FGF1: variants seen among roughly 807,000 people sequenced by gnomAD.
FGF1 encodes beta-endothelial cell growth factor.
A neutral mutation model predicts 13.4 loss-of-function variants in FGF1; 9 were observed. The observed-to-expected ratio is 0.67, with a 90% confidence interval of 0.40 to 1.17. The LOEUF (loss-of-function observed/expected upper bound fraction) is 1.17, where lower values mean the gene tolerates loss of function less well. FGF1 is among the 50% of genes most tolerant of loss of function. The probability of loss-of-function intolerance (pLI) is 0.01; values close to 1 mark genes in which losing one functional copy is unlikely to be tolerated. For synonymous variants in FGF1, 93 were observed against 79.0 expected, an observed-to-expected ratio of 1.18 and a Z score of -0.94; for missense variants, 156 against 192.7, an observed-to-expected ratio of 0.81 and a Z score of 1.13.
chr5:142,641,673 T>C (rs1438931409), intron 1 of FGF1, among the ~76,000 whole-genome samples: 1 of 152,070 alleles, frequency 6.6e-6, no homozygotes, highest in Non-Finnish European at 1.5e-5. Context: ...TGATTTATTA[T>C]AGCAGCACCA....
At chr5:142,692,839 C>G (rs1364227550) in intron 2 of FGF1, among the ~76,000 whole-genome samples, 2 of 151,946 alleles carry the variant, frequency 1.3e-5, no homozygotes, top group African/African-American at 4.8e-5. Context: ...AACAAACAAA[C>G]AAACAAACAA....
chr5:142,605,396 C>T (rs564796720), intron 2 of FGF1, among the ~76,000 whole-genome samples: 2 of 151,748 alleles, frequency 1.3e-5, no homozygotes, highest in East Asian at 3.9e-4. Flanking sequence ...GCCGGGATTA[C>T]AGGCATGAGC....
At chr5:142,639,858 G>A (rs924804713) in intron 1 of FGF1, among the ~76,000 whole-genome samples, 1 of 151,898 alleles carries the variant, frequency 6.6e-6, no homozygotes, top group Non-Finnish European at 1.5e-5. Flanking sequence ...ACTTTTATTT[G>A]TCAATAATAC....
intron 1 of FGF1, among the ~76,000 whole-genome samples, chr5:142,632,361 G>C (rs1763510485): frequency 6.6e-6 from 1 of 152,164 alleles, no homozygotes; most frequent in African/African-American, 2.4e-5. Context: ...TCTCTCTGCA[G>C]TGTTGTTCAA....
chr5:142,668,819 G>A (rs1013670815), intron 1 of FGF1, among the ~76,000 whole-genome samples: 2 of 152,176 alleles, frequency 1.3e-5, no homozygotes, highest in Non-Finnish European at 2.9e-5. Context: ...CTTGAAAGAA[G>A]GTGAGAAGCT....
At chr5:142,639,127 T>TA (rs1368774433) in intron 1 of FGF1, among the ~76,000 whole-genome samples, 1 of 151,952 alleles carries the variant, frequency 6.6e-6, no homozygotes, top group Non-Finnish European at 1.5e-5. Flanking sequence ...CTCAAAAAAA[T>TA]AAAAATAGCA....
chr5:142,646,983 A>T (rs549859135), intron 1 of FGF1, among the ~76,000 whole-genome samples: 1 of 152,324 alleles, frequency 6.6e-6, no homozygotes, highest in South Asian at 2.1e-4. Flanking sequence ...TCATAAAACG[A>T]TCAGGGCTCA....
chr5:142,606,262 T>A lies in FGF1; in HGVS notation c.170-5457A>T, dbSNP rs186479275. Among the ~76,000 whole-genome samples, 147 of 147,700 alleles carry A rather than the reference T, an allele frequency of 1.0e-3. 1 individual carries two copies. Among genetic ancestry groups the A allele is most frequent in the African/African-American group, 2.5e-3 (101 of 39,782 alleles). On this transcript the variant is annotated intron_variant, in intron 2 of 3. Transcript: ENST00000337706. ...TGTGTGTGTATGTAGTTTTTTTTTT[T>A]AATCCCCTTTCAAAGAAAGGTAGAA...
intron 1 of FGF1, among the ~76,000 whole-genome samples, chr5:142,656,455 G>T (rs1768183418): frequency 6.6e-6 from 1 of 152,102 alleles, no homozygotes; most frequent in Non-Finnish European, 1.5e-5. Context: ...AGTCCATAAG[G>T]GAAGAGCAGA....
At chr5:142,595,884 G>T (rs1755147685) in intron 3 of FGF1, among the ~76,000 whole-genome samples, 1 of 152,132 alleles carries the variant, frequency 6.6e-6, no homozygotes, top group East Asian at 1.9e-4. Flanking sequence ...TGGCACACAG[G>T]CCTGACCATG....
intron 2 of FGF1, among the ~76,000 whole-genome samples, chr5:142,693,065 G>C (rs1752493280): frequency 6.6e-6 from 1 of 151,242 alleles, no homozygotes; most frequent in Non-Finnish European, 1.5e-5. Context: ...GTCCAGGAAA[G>C]AGGAAAAAAA....
At position 142,635,607 on chromosome 5, in the gene FGF1, G is replaced by T. The variant is rs17217044; in HGVS notation, c.-34-21446C>A. Among the ~76,000 whole-genome samples the T allele has an allele frequency of 1.5e-3, 232 of 152,322 alleles. 1 individual carries two copies. The highest frequency in any genetic ancestry group is 2.9e-3 in the Non-Finnish European group (194 of 68,042). ...CAGACCTGAGCTTCTTACCCAAGCT[G>T]CATCTTGTGTTACAAGGCACAGGAC... On this transcript the variant is annotated intron_variant, in intron 1 of 3. Transcript: ENST00000337706.
At chr5:142,663,145 T>G (rs1561700859) in intron 1 of FGF1, among the ~76,000 whole-genome samples, 2 of 151,708 alleles carry the variant, frequency 1.3e-5, no homozygotes, top group Non-Finnish European at 2.9e-5. Context: ...TTAAAGTTCT[T>G]CTCAGCAGGG....
intron 1 of FGF1, among the ~76,000 whole-genome samples, chr5:142,649,502 G>A (rs1000986479): frequency 6.6e-6 from 1 of 152,002 alleles, no homozygotes; most frequent in Non-Finnish European, 1.5e-5. Flanking sequence ...TGCCTCCCGG[G>A]TTCACGCCAT....
chr5:142,689,861 G>T (rs1751881898), upstream of FGF1, among the ~76,000 whole-genome samples: 1 of 150,520 alleles, frequency 6.6e-6, no homozygotes, highest in Non-Finnish European at 1.5e-5. Flanking sequence ...ACCACGCCTG[G>T]CCAGTTTTTT....
intron 1 of FGF1, among the ~76,000 whole-genome samples, chr5:142,626,491 T>G (rs79657861): frequency 0.018 from 2,803 of 152,302 alleles, 90 homozygotes; most frequent in African/African-American, 0.063. Flanking sequence ...CTATTTTCAT[T>G]GCTGAATAAA....
At chr5:142,597,318 G>A (rs1176727822) in intron 3 of FGF1, among the ~76,000 whole-genome samples, 1 of 152,174 alleles carries the variant, frequency 6.6e-6, no homozygotes, top group African/African-American at 2.4e-5. Context: ...TGAACCAATG[G>A]TTATAGGGGC....
chr5:142,649,052 C>T (rs1267334207), intron 1 of FGF1, among the ~76,000 whole-genome samples: 2 of 152,156 alleles, frequency 1.3e-5, no homozygotes, highest in Non-Finnish European at 2.9e-5. Context: ...ATAAGAAACA[C>T]CTGTGTGCAC....
intron 2 of FGF1, among the ~76,000 whole-genome samples, chr5:142,691,319 G>A (rs1333907769): frequency 2.0e-5 from 3 of 151,984 alleles, no homozygotes; most frequent in Non-Finnish European, 4.4e-5. Flanking sequence ...CTACTCAGGA[G>A]GCTGAGGCAG....
Sources: allele counts gnomAD v4.1 joint callset (sites outside exome capture counted in the v4.1 genomes callset), GRCh38; gene constraint gnomAD v4.1.1; transcripts MANE v1.5; gene names NCBI Gene and HGNC (gene_info 2026-07-23, HGNC 2026-07-21).